SLC35F3: variants seen among roughly 807,000 people sequenced by gnomAD.
SLC35F3 encodes the protein putative thiamine transporter SLC35F3.
Under a neutral mutation model 49.9 loss-of-function variants are expected in SLC35F3, and 25 were observed. That is an observed-to-expected ratio of 0.50 (90% CI 0.37 to 0.70). The LOEUF (loss-of-function observed/expected upper bound fraction) is 0.70. Among genes scored for constraint, SLC35F3 ranks in the 30% least tolerant of loss-of-function variants. The probability of loss-of-function intolerance (pLI) is 0.00; values close to 1 mark genes in which losing one functional copy is unlikely to be tolerated. For synonymous variants in SLC35F3, 275 were observed against 265.4 expected, an observed-to-expected ratio of 1.04 and a Z score of -0.35; for missense variants, 525 against 639.8, an observed-to-expected ratio of 0.82 and a Z score of 1.94.
intron 2 of SLC35F3, among the ~76,000 whole-genome samples, chr1:234,068,503 G>A (rs568150194): frequency 1.3e-4 from 20 of 151,992 alleles, no homozygotes; most frequent in East Asian, 5.8e-4. Flanking sequence ...GACTACAGGC[G>A]CGTGCCACCA....
chr1:234,170,084 A>G (rs541006653), intron 2 of SLC35F3, among the ~76,000 whole-genome samples: 60 of 152,242 alleles, frequency 3.9e-4, no homozygotes, highest in African/African-American at 1.4e-3. Context: ...GAACATCTTA[A>G]TCCTTCATGC....
In SLC35F3 at chr1:234,320,879, A is replaced by G. The variant is rs1436079118; in HGVS notation, c.1237+692A>G. On this transcript the variant is annotated intron_variant, in intron 7 of 7. Coordinates refer to ENST00000366618, the MANE Select transcript of SLC35F3 (RefSeq NM_173508.4). This position sits in a 1 kb window ranked among gnomAD's most constrained non-coding sequence, Gnocchi z 4.8. ...AGGAATTTTGGATTTTCTTCCCAGA[A>G]CCTCCTGGCCTCATACCTGACCTCC... Among the ~76,000 whole-genome samples the G allele has an allele frequency of 6.6e-6, 1 of 150,896 alleles. No individual in the cohort carries two copies. Among genetic ancestry groups the G allele is most frequent in the East Asian group, 1.9e-4 (1 of 5,154 alleles).
chr1:234,085,953 T>C (rs1664953689), intron 2 of SLC35F3, among the ~76,000 whole-genome samples: 1 of 152,240 alleles, frequency 6.6e-6, no homozygotes, highest in Admixed American at 6.5e-5. Context: ...CTATATACCC[T>C]GTCTTGTATG....
chr1:234,176,487 A>G (rs1666477445), intron 2 of SLC35F3, among the ~76,000 whole-genome samples: 1 of 152,164 alleles, frequency 6.6e-6, no homozygotes, highest in Non-Finnish European at 1.5e-5. Flanking sequence ...CCCCTCACCC[A>G]TAAATGTGTA....
chr1:234,252,157 C>T (rs1005371844), intron 3 of SLC35F3, among the ~76,000 whole-genome samples: 6 of 151,990 alleles, frequency 3.9e-5, no homozygotes, highest in Non-Finnish European at 5.9e-5. Flanking sequence ...GAAACCTCTG[C>T]GTCCCAGATT....
chr1:234,300,033 TA>T lies in SLC35F3; in HGVS notation c.609-9061del, dbSNP rs34992030. ...GTTCACATTTAATGCAAATTTGCAG[TA>T]AAAAAATATAACTATGACATGTTTT... On this transcript the variant is annotated intron_variant, in intron 3 of 7. Transcript: ENST00000366618. Among the ~76,000 whole-genome samples, 70 of 151,584 alleles carry T rather than the reference TA, an allele frequency of 4.6e-4. 1 individual carries two copies. Among genetic ancestry groups the T allele is most frequent in the Admixed American group, 4.3e-3 (65 of 15,236 alleles).
In SLC35F3 at chr1:234,101,943, G is replaced by A. The variant is rs150582455; in HGVS notation, c.284-129474G>A. Among the ~76,000 whole-genome samples, 659 of 152,322 alleles carry A rather than the reference G, an allele frequency of 4.3e-3. 5 individuals are homozygous for A. The highest frequency in any genetic ancestry group is 0.015 in the African/African-American group (612 of 41,578). On this transcript the variant is annotated intron_variant, in intron 2 of 7. Coordinates refer to ENST00000366618, the MANE Select transcript of SLC35F3 (RefSeq NM_173508.4). ...GCATGTTCTGCCTCCGATTCAAGAA[G>A]CCGGAAGCATAGATTAGAGGATTCC... is the stretch of plus-strand genomic sequence containing the variant.
At chr1:234,047,066 CAAGTTTTG>C (rs1664301118) in intron 2 of SLC35F3, among the ~76,000 whole-genome samples, 1 of 152,182 alleles carries the variant, frequency 6.6e-6, no homozygotes, top group African/African-American at 2.4e-5. Flanking sequence ...ATGAACTTGT[CAAGTTTTG>C]TAGAAACGCT....
At chr1:233,929,465 C>T (rs2102792481) in intron 2 of SLC35F3, among the ~76,000 whole-genome samples, 1 of 152,320 alleles carries the variant, frequency 6.6e-6, no homozygotes, top group East Asian at 1.9e-4. Context: ...AAGCCCACTA[C>T]TTTACCCCGA....
intron 2 of SLC35F3, among the ~76,000 whole-genome samples, chr1:234,168,099 C>T (rs544436310): frequency 6.6e-6 from 1 of 152,290 alleles, no homozygotes; most frequent in Non-Finnish European, 1.5e-5. Flanking sequence ...AGGTCCCTGC[C>T]CTGGACCTCA....
At chr1:234,148,719 G>C (rs1666031508) in intron 2 of SLC35F3, among the ~76,000 whole-genome samples, 1 of 152,244 alleles carries the variant, frequency 6.6e-6, no homozygotes, top group Non-Finnish European at 1.5e-5. Context: ...AGGGAGACCA[G>C]TTATAAATTA....
At chr1:234,278,543 T>G (rs534331346) in intron 3 of SLC35F3, among the ~76,000 whole-genome samples, 2 of 151,994 alleles carry the variant, frequency 1.3e-5, no homozygotes, top group African/African-American at 4.8e-5. Flanking sequence ...TGAGTTGTCA[T>G]TCGCATTTCT....
At chr1:233,955,765 G>GTTT (rs551238786) in intron 2 of SLC35F3, among the ~76,000 whole-genome samples, 11 of 112,918 alleles carry the variant, frequency 9.7e-5, no homozygotes, top group African/African-American at 2.1e-4. Context: ...CTCACGAACT[G>GTTT]TTTTTTTTTT....
intron 2 of SLC35F3, among the ~76,000 whole-genome samples, chr1:233,955,876 A>ACCTTTTTTTTTTTTTTTTT (rs1558188732): frequency 1.7e-5 from 1 of 58,924 alleles, no homozygotes; most frequent in Non-Finnish European, 3.0e-5. Flanking sequence ...AGGTGTGGGT[A>ACCTTTTTTTTTTTTTTTTT]TCTTTTTTTT....
chr1:233,981,747 T>C (rs1378702859), intron 2 of SLC35F3, among the ~76,000 whole-genome samples: 3 of 152,094 alleles, frequency 2.0e-5, no homozygotes, highest in Non-Finnish European at 4.4e-5. Context: ...TGCCAAAGTG[T>C]TTTTCAAAGT....
intron 2 of SLC35F3, among the ~76,000 whole-genome samples, chr1:234,069,966 G>A (rs1664688345): frequency 6.6e-6 from 1 of 152,178 alleles, no homozygotes; most frequent in African/African-American, 2.4e-5. Flanking sequence ...ATACAGGAAT[G>A]GAGACAGCAC....
chr1:234,318,724 C>T (rs373636643), intron 5 of SLC35F3, 27 bp from the exon 6 acceptor site: 2 of 1,604,950 alleles, frequency 1.2e-6, no homozygotes, highest in Admixed American at 1.7e-5. Context: ...GAGCCTTCAC[C>T]CCGTCCTCCT....
chr1:233,989,054 T>G (rs1347497257), intron 2 of SLC35F3, among the ~76,000 whole-genome samples: 1 of 152,232 alleles, frequency 6.6e-6, no homozygotes, highest in African/African-American at 2.4e-5. Context: ...TAATTTTTCA[T>G]GTTTGATGCT....
At chr1:234,003,777 C>T (rs1663588727) in intron 2 of SLC35F3, among the ~76,000 whole-genome samples, 1 of 151,930 alleles carries the variant, frequency 6.6e-6, no homozygotes, top group Non-Finnish European at 1.5e-5. Context: ...AACGACAAAC[C>T]AAGAAATGGT....
Sources: gnomAD v4.1 joint callset for allele counts (sites outside exome capture counted in the v4.1 genomes callset) on GRCh38, gnomAD v4.1.1 for gene constraint, Gnocchi (gnomAD v3.1) non-coding constraint, MANE v1.5 for transcripts, NCBI Gene and HGNC (gene_info 2026-07-23, HGNC 2026-07-21) for gene names.